Variants in ABCA13 observed in about 807,000 individuals in gnomAD.
ABCA13 encodes ATP binding cassette subfamily A member 13, also known as ATP-binding cassette sub-family A member 13.
In ABCA13, 476 loss-of-function variants were observed where a neutral mutation model predicts 478.7. The observed-to-expected ratio is 0.99, with a 90% CI of 0.92 to 1.07. The LOEUF (loss-of-function observed/expected upper bound fraction) is 1.07, where lower values mean the gene tolerates loss of function less well. Among genes scored for constraint, ABCA13 ranks in the 50% least tolerant of loss-of-function variants. The probability of loss-of-function intolerance (pLI) is 0.00; values close to 1 mark genes in which losing one functional copy is unlikely to be tolerated. For synonymous variants in ABCA13, 2,252 were observed against 2,158.9 expected, an observed-to-expected ratio of 1.04 and a Z score of -1.20; for missense variants, 6,060 against 5,910.6, an observed-to-expected ratio of 1.03 and a Z score of -0.83.
Position 48,279,233 on chromosome 7 carries a change from G to A in ABCA13, c.8039G>A (p.Cys2680Tyr). ...AACTTACGGGAAGAAATTCTGGGTT[G>A]CTTAGTTCCTATAAATAACATCACC... ...SVNLREEILG[C>Y]LVPINNITNQ... is the part of the protein sequence containing the mutation. The change falls in exon 18 of 62, where the codon TGC becomes TAC. Residue 2680 changes from cysteine (C) to tyrosine (Y), a missense_variant. Cys to Tyr is a radical substitution (Grantham distance 194, BLOSUM62 -2). This residue lies in a region of ABCA13 where 4,423 missense variants were observed against 4,309.1 expected (regional missense o/e 1.03). Coordinates refer to ENST00000435803, the MANE Select transcript of ABCA13 (RefSeq NM_152701.5). 1.9e-6 allele frequency: 3 copies of A among 1,589,592 alleles called. No individual in the cohort carries two copies. The highest frequency in any genetic ancestry group is 1.8e-5 in the Admixed American group (1 of 56,246).
At position 48,481,089 on chromosome 7, in the gene ABCA13, C is replaced by A. The variant is rs113573154; in HGVS notation, c.13029C>A (p.His4343Gln). Residue 4343 changes from histidine to glutamine, a missense_variant, in exon 46 of 62, where the codon CAC (histidine) becomes CAA (glutamine). His to Gln is a conservative substitution (Grantham distance 24). Coordinates refer to ENST00000435803, the MANE Select transcript of ABCA13 (RefSeq NM_152701.5). ...SAPYLTNHLGHTLLNLSGFNM... is the reference protein window; with the variant it reads ...SAPYLTNHLGQTLLNLSGFNM... Reference sequence around the variant, plus strand: ...CCTACCTGACCAACCACCTGGGCCACACACTGTTGAATCTCTCAGGCTTCA... The same window carrying A: ...CCTACCTGACCAACCACCTGGGCCAAACACTGTTGAATCTCTCAGGCTTCA... 2.3e-4 allele frequency: 369 copies of A among 1,603,568 alleles called. 2 individuals carry two copies. In the East Asian group the frequency reaches 6.6e-3, roughly 29 times the overall value.
intron 20 of ABCA13, among the ~76,000 whole-genome samples, chr7:48,289,234 T>C (rs10499677): frequency 0.037 from 5,573 of 152,120 alleles, 205 homozygotes; most frequent in Admixed American, 0.1. Flanking sequence ...TCCCTAGCAA[T>C]GATTGACTTT....
chr7:48,222,526 A>G (rs2128970465), intron 5 of ABCA13, among the ~76,000 whole-genome samples: 1 of 152,336 alleles, frequency 6.6e-6, no homozygotes, highest in East Asian at 1.9e-4. Flanking sequence ...GGATAATTCA[A>G]ATTTCCCAAA....
intron 15 of ABCA13, among the ~76,000 whole-genome samples, chr7:48,266,457 C>A (rs978432951): frequency 2.0e-5 from 3 of 151,538 alleles, no homozygotes; most frequent in Non-Finnish European, 3.0e-5. Flanking sequence ...TACATTAGGG[C>A]CACTCAAGTT....
intron 45 of ABCA13, among the ~76,000 whole-genome samples, chr7:48,478,067 G>A (rs1234143840): frequency 2.6e-5 from 4 of 151,350 alleles, no homozygotes; most frequent in African/African-American, 9.7e-5. Context: ...GCTGGAGGTA[G>A]GGAAACTTTG....
chr7:48,467,876 A>C (rs1016061311), intron 44 of ABCA13, among the ~76,000 whole-genome samples: 2 of 152,220 alleles, frequency 1.3e-5, no homozygotes, highest in African/African-American at 4.8e-5. Context: ...TTAGTGTGAG[A>C]CTGAAAAACT....
intron 58 of ABCA13, among the ~76,000 whole-genome samples, chr7:48,596,224 C>G (rs1034116857): frequency 6.6e-6 from 1 of 152,202 alleles, no homozygotes; most frequent in African/African-American, 2.4e-5. Flanking sequence ...GTAGACTTTT[C>G]TTAATTTTCT....
chr7:48,244,139 A>C (rs879596083), intron 10 of ABCA13, among the ~76,000 whole-genome samples: 1 of 152,200 alleles, frequency 6.6e-6, no homozygotes, highest in Non-Finnish European at 1.5e-5. Flanking sequence ...AGAATCCTAC[A>C]GGCATTGCCA....
At chr7:48,589,959 T>A (rs1240206263) in intron 57 of ABCA13, among the ~76,000 whole-genome samples, 1 of 152,198 alleles carries the variant, frequency 6.6e-6, no homozygotes, top group Non-Finnish European at 1.5e-5. Context: ...GATTGAGTTT[T>A]AACATGAATT....
chr7:48,431,290 C>T (rs1390937293), intron 42 of ABCA13, among the ~76,000 whole-genome samples: 3 of 151,894 alleles, frequency 2.0e-5, no homozygotes, highest in Non-Finnish European at 4.4e-5. Context: ...TGCCTTGAGC[C>T]TAGATCATGC....
intron 51 of ABCA13, among the ~76,000 whole-genome samples, chr7:48,515,980 C>T (rs774785388): frequency 2.6e-5 from 4 of 152,018 alleles, no homozygotes; most frequent in South Asian, 4.1e-4. Context: ...ACGTACAACC[C>T]GTGTGTGTGT....
intron 23 of ABCA13, among the ~76,000 whole-genome samples, chr7:48,309,074 GT>G (rs1372437663): frequency 9.3e-6 from 1 of 107,190 alleles, no homozygotes; most frequent in African/African-American, 3.3e-5. Flanking sequence ...CATTCTCTTG[GT>G]TCTGTTTCTC....
intron 29 of ABCA13, among the ~76,000 whole-genome samples, chr7:48,346,383 G>A (rs778467908): frequency 1.3e-4 from 19 of 151,548 alleles, no homozygotes; most frequent in Non-Finnish European, 2.2e-4. Flanking sequence ...GTTTAACCAC[G>A]CTTGCTAGGC....
At chr7:48,630,658 T>C (rs542475465) in intron 59 of ABCA13, among the ~76,000 whole-genome samples, 1 of 152,348 alleles carries the variant, frequency 6.6e-6, no homozygotes, top group East Asian at 1.9e-4. Context: ...TTGTATTCCT[T>C]TGGGTATATA....
chr7:48,567,812 A>G (rs1158547330), intron 55 of ABCA13, among the ~76,000 whole-genome samples: 5 of 152,018 alleles, frequency 3.3e-5, no homozygotes, highest in Non-Finnish European at 7.4e-5. Flanking sequence ...TATAAATGAG[A>G]TCATACAGTT....
At chr7:48,289,525 A>AT (rs1798222305) in intron 20 of ABCA13, among the ~76,000 whole-genome samples, 1 of 151,814 alleles carries the variant, frequency 6.6e-6, no homozygotes, top group Admixed American at 6.6e-5. Flanking sequence ...CGCCTGGCTA[A>AT]TTTTTTGTAT....
At chr7:48,329,219 CA>C (rs1258355194) in intron 27 of ABCA13, among the ~76,000 whole-genome samples, 1 of 152,126 alleles carries the variant, frequency 6.6e-6, no homozygotes, top group Non-Finnish European at 1.5e-5. Flanking sequence ...TCAGGGGGTC[CA>C]CATTGAAGAA....
intron 48 of ABCA13, among the ~76,000 whole-genome samples, chr7:48,494,299 TGA>T (rs535242116): frequency 1.3e-4 from 20 of 152,258 alleles, no homozygotes; most frequent in African/African-American, 4.3e-4. Context: ...CAAATCACAA[TGA>T]GAGAGTATGA....
chr7:48,314,877 A>G (rs1253969769), intron 26 of ABCA13, among the ~76,000 whole-genome samples: 1 of 152,238 alleles, frequency 6.6e-6, no homozygotes, highest in Non-Finnish European at 1.5e-5. Context: ...ACAAATGAAT[A>G]TGCCACGATA....
Sources: allele counts gnomAD v4.1 joint callset (sites outside exome capture counted in the v4.1 genomes callset), GRCh38; gene constraint gnomAD v4.1.1; regional missense constraint gnomAD v4.1.1; transcripts MANE v1.5; gene names NCBI Gene and HGNC (gene_info 2026-07-23, HGNC 2026-07-21).